Variants in GNAO1 observed in about 807,000 individuals in gnomAD.
The protein encoded by GNAO1 is guanine nucleotide-binding protein G(o) subunit alpha.
For synonymous variants in GNAO1, 164 were observed against 180.7 expected, an observed-to-expected ratio of 0.91 and a Z score of 0.74; for missense variants, 166 against 478.7, an observed-to-expected ratio of 0.35 and a Z score of 6.10.
chr16:56,315,057 C>T (rs772165154), intron 3 of GNAO1, among the ~76,000 whole-genome samples: 12 of 152,130 alleles, frequency 7.9e-5, no homozygotes, highest in African/African-American at 1.4e-4. Context: ...CCAGTGTCCC[C>T]GGGGAAAGGA....
At chr16:56,305,520 C>T (rs1406347369) in intron 3 of GNAO1, among the ~76,000 whole-genome samples, 2 of 151,966 alleles carry the variant, frequency 1.3e-5, no homozygotes, top group African/African-American at 4.8e-5. Flanking sequence ...TGCAGAGGCC[C>T]CTAGTGGAAA....
At chr16:56,272,268 C>T (rs1169324357) in intron 2 of GNAO1, among the ~76,000 whole-genome samples, 5 of 151,894 alleles carry the variant, frequency 3.3e-5, no homozygotes, top group East Asian at 1.9e-4. Flanking sequence ...GAGATTGCGC[C>T]GCTGCACTCC....
chr16:56,220,597 T>C (rs1466778048), intron 2 of GNAO1, among the ~76,000 whole-genome samples: 1 of 152,038 alleles, frequency 6.6e-6, no homozygotes, highest in Non-Finnish European at 1.5e-5. Flanking sequence ...CGTATGGGGG[T>C]TGCTGTGGTT....
chr16:56,272,785 A>G (rs559052469), intron 2 of GNAO1, among the ~76,000 whole-genome samples: 2 of 152,230 alleles, frequency 1.3e-5, no homozygotes, highest in Non-Finnish European at 2.9e-5. Context: ...AATGATATCA[A>G]TAGGTGTGAA....
At position 56,318,486 on chromosome 16, in the gene GNAO1, C is replaced by G. The variant is rs969433737; in HGVS notation, c.304-10145C>G. 3.9e-5 allele frequency among the ~76,000 whole-genome samples: 6 copies of G among 152,332 alleles called. No individual in the cohort carries two copies. The South Asian group carries it at 1.0e-3, about 26-fold the overall frequency. On this transcript the variant is annotated intron_variant, in intron 3 of 8. Coordinates refer to ENST00000262493, the MANE Select transcript of GNAO1 (RefSeq NM_020988.3). ...GCTCCCTCTCCCATTGGCCTGTGCA[C>G]TCCTGCCCCCTGGTGGGTACAGGGA...
rs181403157 is a variant in GNAO1, at chr16:56,251,837, C to T, written c.162-24094C>T. 6.7e-3 allele frequency among the ~76,000 whole-genome samples: 1,018 copies of T among 152,224 alleles called. 4 individuals carry two copies. Among genetic ancestry groups the T allele is most frequent in the Middle Eastern group, 0.02 (6 of 294 alleles). ...CACTCTGCACTCCAGCACCAGTCAG[C>T]GAGGCTGCCATCTTCCCTGATCAAG... On this transcript the variant is annotated intron_variant, in intron 2 of 8. Coordinates refer to ENST00000262493, the MANE Select transcript of GNAO1 (RefSeq NM_020988.3).
chr16:56,255,887 A>G (rs1348228602), intron 2 of GNAO1, among the ~76,000 whole-genome samples: 1 of 152,168 alleles, frequency 6.6e-6, no homozygotes, highest in Non-Finnish European at 1.5e-5. Context: ...CCACCAATTC[A>G]CATCTCAACA....
At chr16:56,272,351 A>G (rs1567464102) in intron 2 of GNAO1, among the ~76,000 whole-genome samples, 1 of 152,222 alleles carries the variant, frequency 6.6e-6, no homozygotes, top group Non-Finnish European at 1.5e-5. Context: ...TGTATGGACC[A>G]AATTTTCTAG....
intron 2 of GNAO1, among the ~76,000 whole-genome samples, chr16:56,271,919 T>C (rs1233881512): frequency 2.6e-5 from 4 of 152,132 alleles, no homozygotes; most frequent in African/African-American, 9.7e-5. Context: ...TAACCACTGC[T>C]CTACTCGGCC....
At chr16:56,333,149 G>A (rs931071) in intron 4 of GNAO1, among the ~76,000 whole-genome samples, 115,808 of 151,758 alleles carry the variant, frequency 0.76, 44,262 homozygotes, top group East Asian at 0.85. Flanking sequence ...GTTTAAGAGC[G>A]TGGGGTCTGG....
intron 2 of GNAO1, among the ~76,000 whole-genome samples, chr16:56,265,776 C>T (rs977236706): frequency 2.6e-5 from 4 of 151,958 alleles, no homozygotes; most frequent in African/African-American, 4.8e-5. Context: ...GGTTTGGGGA[C>T]GAATGTGTTT....
rs201216065 is a variant in GNAO1, at chr16:56,343,967, C to T, written c.723+7107C>T. 2.4e-4 allele frequency: 389 copies of T among 1,610,640 alleles called. 2 individuals are homozygous for T. In the East Asian group the frequency reaches 8.1e-3, roughly 33 times the overall value. On this transcript the variant is annotated intron_variant, in intron 6 of 8. Coordinates refer to ENST00000262493, the MANE Select transcript of GNAO1 (RefSeq NM_020988.3). ...CTCTACTGAGCCCAGCCGCCCTGCC[C>T]GGCACCCTTGCCCTGCCTGGCCTGC...
At position 56,336,797 on chromosome 16, in the gene GNAO1, G is replaced by A. The variant is rs189380751; in HGVS notation, c.660G>A (p.Thr220=). The A allele has an allele frequency of 1.8e-4, 287 of 1,613,736 alleles. No homozygotes were observed. The highest frequency in any genetic ancestry group is 2.2e-4 in the Non-Finnish European group (257 of 1,179,960). Residue 220 remains threonine, a synonymous_variant, in exon 6 of 9, where the codon ACG becomes ACA. Transcript: ENST00000262493. Reference sequence around the variant, plus strand: ...GGATCCATTGCTTCGAGGACGTCACGGCCATCATTTTCTGTGTCGCGCTCA... The same window carrying A: ...GGATCCATTGCTTCGAGGACGTCACAGCCATCATTTTCTGTGTCGCGCTCA... ...KKWIHCFEDV[T]AIIFCVALSG...
At chr16:56,332,123 G>A (rs895111490) in intron 4 of GNAO1, among the ~76,000 whole-genome samples, 1 of 152,086 alleles carries the variant, frequency 6.6e-6, no homozygotes, top group African/African-American at 2.4e-5. Flanking sequence ...GGCCCCACCC[G>A]CTGACCTGCT....
intron 6 of GNAO1, chr16:56,340,826 T>A (rs2037795269): frequency 6.2e-7 from 1 of 1,612,844 alleles, no homozygotes; most frequent in Non-Finnish European, 8.5e-7. Context: ...CCCTCCACTC[T>A]GTTGCAGAAC....
At chr16:56,299,580 A>T (rs2037321414) in intron 3 of GNAO1, among the ~76,000 whole-genome samples, 1 of 152,104 alleles carries the variant, frequency 6.6e-6, no homozygotes, top group African/African-American at 2.4e-5. Context: ...TTGTCTCTGA[A>T]TCATTTTTTC....
chr16:56,229,664 G>T (rs771535928), intron 2 of GNAO1, among the ~76,000 whole-genome samples: 30 of 152,032 alleles, frequency 2.0e-4, no homozygotes, highest in Non-Finnish European at 3.5e-4. Flanking sequence ...TAAATAGATA[G>T]AATTTAATCT....
intron 2 of GNAO1, among the ~76,000 whole-genome samples, chr16:56,260,351 G>A (rs1435485206): frequency 1.3e-5 from 2 of 152,144 alleles, no homozygotes; most frequent in Non-Finnish European, 2.9e-5. Context: ...GCAGCTTGAG[G>A]GGCCTGTTCT....
At chr16:56,274,834 TGTG>T (rs2037047903) in intron 2 of GNAO1, among the ~76,000 whole-genome samples, 1 of 152,200 alleles carries the variant, frequency 6.6e-6, no homozygotes, top group Admixed American at 6.5e-5. Context: ...AAAATTAGAT[TGTG>T]GTGATGATTG....
Sources: allele counts gnomAD v4.1 joint callset (sites outside exome capture counted in the v4.1 genomes callset), GRCh38; gene constraint gnomAD v4.1.1; transcripts MANE v1.5; gene names NCBI Gene and HGNC (gene_info 2026-07-23, HGNC 2026-07-21).